Variants in XPNPEP1 observed in about 807,000 individuals in gnomAD.
XPNPEP1 encodes the protein X-prolyl aminopeptidase 1.
Under a neutral mutation model 92.4 loss-of-function variants are expected in XPNPEP1, and 39 were observed. That is an observed-to-expected ratio of 0.42 (90% CI 0.33 to 0.55). XPNPEP1 has a LOEUF of 0.55. XPNPEP1 is among the 20% of genes least tolerant of loss of function. XPNPEP1 has a pLI of 0.08. For missense variants in XPNPEP1, 654 were observed against 856.1 expected, an observed-to-expected ratio of 0.76 and a Z score of 2.95; for synonymous variants, 307 against 299.4, an observed-to-expected ratio of 1.03 and a Z score of -0.26.
At chr10:109,878,933 A>G (rs1289454734) in intron 12 of XPNPEP1, among the ~76,000 whole-genome samples, 1 of 152,084 alleles carries the variant, frequency 6.6e-6, no homozygotes, top group Non-Finnish European at 1.5e-5. Context: ...ACATGTAAAA[A>G]TAATTTATAT....
At chr10:109,879,480 G>T (rs1273690610) in intron 12 of XPNPEP1, among the ~76,000 whole-genome samples, 1 of 151,528 alleles carries the variant, frequency 6.6e-6, no homozygotes, top group Non-Finnish European at 1.5e-5. Context: ...TAAGGCAGGA[G>T]AATCTCTTGA....
intron 1 of XPNPEP1, among the ~76,000 whole-genome samples, chr10:109,915,770 G>A (rs2133566952): frequency 1.3e-5 from 2 of 152,260 alleles, no homozygotes; most frequent in African/African-American, 4.8e-5. Flanking sequence ...TATGGGGATA[G>A]TCTAATGCCC....
At chr10:109,869,834 C>T (rs1004910198) in intron 19 of XPNPEP1, 119 bp downstream of exon 19, 6 of 994,528 alleles carry the variant, frequency 6.0e-6, no homozygotes, top group African/African-American at 3.3e-5. Flanking sequence ...CATCTTCCCA[C>T]ACTAAGAAAC....
rs1847273960 is a variant in XPNPEP1 at position 109,868,602 on chromosome 10, C to T, written c.1872+12G>A. On this transcript the variant is annotated intron_variant, in intron 20 of 20. Transcript: ENST00000502935. The stretch of plus-strand genomic sequence containing the variant: ...CTAGTAACATGCCTGCCCACCAAGA[C>T]TTCCCCATTACCTCTTTGTCTGTAA... The T allele has an allele frequency of 1.2e-6, 2 of 1,609,012 alleles. No homozygotes were observed. The highest frequency in any genetic ancestry group is 2.2e-5 in the South Asian group (2 of 90,888).
Position 109,875,424 on chromosome 10 carries a change from G to C in XPNPEP1, c.1391+104C>G, listed in dbSNP as rs934798120. The C allele has an allele frequency of 7.0e-6, 7 of 1,001,888 alleles. No homozygotes were observed. In the African/African-American group the frequency reaches 1.1e-4, roughly 16 times the overall value. The allele number at this position is 1,001,888 out of a possible 1,614,324, so 62.1% of individuals were successfully genotyped here. A position where few individuals can be genotyped will look rare whatever the true frequency, so the allele number is the denominator to read the frequency against. On this transcript the variant is annotated intron_variant, in intron 15 of 20. Transcript: ENST00000502935. Reference sequence around the variant, plus strand: ...AACGATTCCATTAGTGGCCAGCACAGAGGGCGATGACCAGCTGAGTGCTCT... The same window carrying C: ...AACGATTCCATTAGTGGCCAGCACACAGGGCGATGACCAGCTGAGTGCTCT...
At chr10:109,902,176 C>A (rs1286527042) in intron 3 of XPNPEP1, among the ~76,000 whole-genome samples, 1 of 152,228 alleles carries the variant, frequency 6.6e-6, no homozygotes, top group Non-Finnish European at 1.5e-5. Flanking sequence ...TCATTCATCT[C>A]CACAACAGTA....
At chr10:109,916,261 C>T (rs547235117) in intron 1 of XPNPEP1, among the ~76,000 whole-genome samples, 11 of 152,218 alleles carry the variant, frequency 7.2e-5, no homozygotes, top group African/African-American at 2.4e-4. Flanking sequence ...GCCATGTGAA[C>T]GGCTAGGGGA....
At chr10:109,897,919 G>T (rs1249937745) in intron 3 of XPNPEP1, among the ~76,000 whole-genome samples, 1 of 151,998 alleles carries the variant, frequency 6.6e-6, no homozygotes, top group East Asian at 1.9e-4. Context: ...CTCCCAAAGT[G>T]CTGGGATTAT....
At chr10:109,913,511 C>T (rs894606384) in intron 2 of XPNPEP1, among the ~76,000 whole-genome samples, 1 of 152,142 alleles carries the variant, frequency 6.6e-6, no homozygotes, top group African/African-American at 2.4e-5. Context: ...GCTGAGGGAA[C>T]GCTAAGGGCT....
Position 109,882,533 on chromosome 10 carries a change from T to C in XPNPEP1, c.940A>G (p.Ile314Val), listed in dbSNP as rs1848159345. The C allele has an allele frequency of 6.2e-7, 1 of 1,614,212 alleles. No homozygotes were observed. The highest frequency in any genetic ancestry group is 2.2e-5 in the East Asian group (1 of 44,888). Residue 314 changes from isoleucine to valine, a missense_variant, in exon 10 of 21, where the codon ATC becomes GTC. Transcript: ENST00000502935. ...CACAGGGCCTTGAGCTCGCTCAGGA[T>C]GGACTTGTAGGGATGCACCTGGATC... is the stretch of plus-strand genomic sequence containing the variant. ...YRIQVHPYKS[I>V]LSELKALCAD... is the part of the protein sequence containing the mutation.
chr10:109,871,192 C>T (rs74154903), intron 17 of XPNPEP1, among the ~76,000 whole-genome samples: 1,776 of 152,060 alleles, frequency 0.012, 43 homozygotes, highest in African/African-American at 0.041. Flanking sequence ...GCCAGCTCTG[C>T]GACCCTAAGG....
At chr10:109,878,202 G>A in intron 12 of XPNPEP1, 144 bp from the exon 13 acceptor site, 1 of 807,042 alleles carries the variant, frequency 1.2e-6, no homozygotes, top group East Asian at 2.6e-5. Context: ...CTTTAGCAAG[G>A]GAGAACTCCC....
At chr10:109,899,100 A>G (rs894599870) in intron 3 of XPNPEP1, among the ~76,000 whole-genome samples, 5 of 152,204 alleles carry the variant, frequency 3.3e-5, no homozygotes, top group African/African-American at 9.6e-5. Flanking sequence ...GTTTCCAAAT[A>G]TAAGTTATTG....
In XPNPEP1 at chr10:109,880,876, T is replaced by C; in HGVS notation, c.1097A>G (p.Asn366Ser). Residue 366 changes from asparagine (N) to serine (S), a missense_variant, in exon 11 of 21, where the codon AAT becomes AGT. Transcript: ENST00000502935. Reference sequence around the variant, plus strand: ...CCTCATGCCTTCTGACTCAGCTGAATTCTTCACAGCTTTGGCGATGCAGAT... The same window carrying C: ...CCTCATGCCTTCTGACTCAGCTGAACTCTTCACAGCTTTGGCGATGCAGAT... Reference protein sequence around the residue: ...TPICIAKAVKNSAESEGMRRA... With the variant: ...TPICIAKAVKSSAESEGMRRA... 1 of 1,614,048 alleles carries C rather than the reference T, an allele frequency of 6.2e-7. No homozygotes were observed. Among genetic ancestry groups the C allele is most frequent in the African/African-American group, 1.3e-5 (1 of 75,002 alleles).
chr10:109,873,280 ACTT>A (rs1847586422), intron 16 of XPNPEP1, 84 bp downstream of exon 16: 1 of 1,505,712 alleles, frequency 6.6e-7, no homozygotes, highest in African/African-American at 1.4e-5. Context: ...TGTAATTTTT[ACTT>A]CTTTATACAA....
At chr10:109,880,062 C>A in intron 12 of XPNPEP1, 126 bp downstream of exon 12, 5 of 855,648 alleles carry the variant, frequency 5.8e-6, no homozygotes, top group Non-Finnish European at 1.8e-6. Flanking sequence ...AAAATAGAGC[C>A]CAAAAATTTG....
chr10:109,892,953 A>G, intron 4 of XPNPEP1, 59 bp downstream of exon 4: 5 of 1,549,350 alleles, frequency 3.2e-6, no homozygotes, highest in Non-Finnish European at 3.5e-6. Flanking sequence ...AACTCGGTTC[A>G]GTTATTTTTA....
Position 109,873,427 on chromosome 10 carries a change from C to A in XPNPEP1, c.1392G>T (p.Lys464Asn). 1 of 1,614,014 alleles carries A rather than the reference C, an allele frequency of 6.2e-7. No homozygotes were observed. Among genetic ancestry groups the A allele is most frequent in the Non-Finnish European group, 8.5e-7 (1 of 1,179,980 alleles). Residue 464 changes from lysine to asparagine, a missense_variant and splice_region_variant, in exon 16 of 21, where the codon AAG (lysine) becomes AAT (asparagine). By Grantham distance (94) the Lys-to-Asn change is moderately conservative. Coordinates refer to ENST00000502935, the MANE Select transcript of XPNPEP1 (RefSeq NM_020383.4). ...VYLIDSGAQYKDGTTDVTRTM... is the reference protein window; with the variant it reads ...VYLIDSGAQYNDGTTDVTRTM... ...TCCGCGTCACATCTGTGGTGCCATCCCTTTCCAAAAAAAGGACAAATTGGT... is the reference window on the plus strand; with the variant it reads ...TCCGCGTCACATCTGTGGTGCCATCACTTTCCAAAAAAAGGACAAATTGGT...
At position 109,865,277 on chromosome 10, in the gene XPNPEP1, C is replaced by A. The variant is rs770908422; in HGVS notation, c.1908G>T (p.Arg636Ser). ...DWLNNYHLTCRDVIGKELQKQ... is the reference protein window; with the variant it reads ...DWLNNYHLTCSDVIGKELQKQ... ...TCTGCAATTCCTTCCCAATCACATCCCTGCAGGTCAGGTGGTAATTGTTGA... is the reference window on the plus strand; with the variant it reads ...TCTGCAATTCCTTCCCAATCACATCACTGCAGGTCAGGTGGTAATTGTTGA... Residue 636 changes from arginine to serine, a missense_variant, in exon 21 of 21, where the codon AGG becomes AGT. Transcript: ENST00000502935. 2 of 1,614,172 alleles carry A rather than the reference C, an allele frequency of 1.2e-6. No homozygotes were observed. The highest frequency in any genetic ancestry group is 1.7e-6 in the Non-Finnish European group (2 of 1,180,028).
Sources: allele counts gnomAD v4.1 joint callset (sites outside exome capture counted in the v4.1 genomes callset), GRCh38; gene constraint gnomAD v4.1.1; transcripts MANE v1.5; gene names NCBI Gene and HGNC (gene_info 2026-07-23, HGNC 2026-07-21).